The following CAST variants were observed in gnomAD, a reference collection of about 807,000 sequenced individuals.
CAST encodes MIR583 host.
Under a neutral mutation model 119.6 loss-of-function variants are expected in CAST, and 76 were observed. That is an observed-to-expected ratio of 0.64 (90% CI 0.53 to 0.77). The LOEUF is 0.77. CAST is among the 30% of genes least tolerant of loss of function. The pLI is 0.00. For synonymous variants in CAST, 319 were observed against 331.6 expected, an observed-to-expected ratio of 0.96 and a Z score of 0.41; for missense variants, 953 against 946.5, an observed-to-expected ratio of 1.01 and a Z score of -0.09.
the CAST span, among the ~76,000 whole-genome samples, chr5:96,037,072 A>C: frequency 1.3e-5 from 2 of 152,094 alleles, no homozygotes; most frequent in Non-Finnish European, 2.9e-5. Context: ...TAATAATCTT[A>C]TCTCTTCTGG....
chr5:96,249,447 G>A, the CAST span, among the ~76,000 whole-genome samples: 1 of 152,060 alleles, frequency 6.6e-6, no homozygotes, highest in Admixed American at 6.6e-5. Flanking sequence ...TTTCCTCATA[G>A]GATTGTTGCA....
chr5:96,567,074 T>C (rs1370533000), intron 1 of CAST, among the ~76,000 whole-genome samples: 2 of 152,214 alleles, frequency 1.3e-5, no homozygotes, highest in African/African-American at 4.8e-5. Context: ...AGTGTAGGCA[T>C]CTGCATCTCC....
At chr5:96,737,815 A>G in intron 10 of CAST, 34 bp from the exon 11 acceptor site, 1 of 1,242,994 alleles carries the variant, frequency 8.0e-7, no homozygotes, top group South Asian at 1.3e-5. Flanking sequence ...ATGTATAACA[A>G]ATAACATTTA....
chr5:96,520,577 CTGTG>C (rs142864656), upstream of CAST, among the ~76,000 whole-genome samples: 3 of 148,592 alleles, frequency 2.0e-5, no homozygotes, highest in African/African-American at 7.3e-5. Flanking sequence ...GTGTGTGTGT[CTGTG>C]TGTGTGTGTC....
chr5:96,400,661 C>T, the CAST span, among the ~76,000 whole-genome samples: 2 of 152,354 alleles, frequency 1.3e-5, no homozygotes, highest in South Asian at 2.1e-4. Flanking sequence ...TGGCTACCTG[C>T]TGTAAACATG....
At chr5:96,768,381 G>C in intron 29 of CAST, 1 of 457,310 alleles carries the variant, frequency 2.2e-6, no homozygotes. Context: ...ACTGCGCCTG[G>C]CCCTTACAAT....
intron 22 of CAST, among the ~76,000 whole-genome samples, chr5:96,756,317 T>C (rs1427679743): frequency 6.6e-6 from 1 of 152,162 alleles, no homozygotes; most frequent in Admixed American, 6.5e-5. Flanking sequence ...TTTTCTGCCT[T>C]TACAGCTAAG....
chr5:96,535,630 G>A (rs1258995938), intron 1 of CAST, among the ~76,000 whole-genome samples: 2 of 144,208 alleles, frequency 1.4e-5, no homozygotes, highest in African/African-American at 5.2e-5. Flanking sequence ...CTGGAGTGCA[G>A]TGGCGCGATC....
chr5:96,023,171 T>A, the CAST span, among the ~76,000 whole-genome samples: 2 of 152,162 alleles, frequency 1.3e-5, no homozygotes, highest in African/African-American at 4.8e-5. Context: ...ACTTCCCTAC[T>A]GCTTGTGCAG....
the CAST span, among the ~76,000 whole-genome samples, chr5:96,415,083 C>T: frequency 6.6e-6 from 1 of 152,134 alleles, no homozygotes; most frequent in Admixed American, 6.5e-5. Flanking sequence ...AAGCTTATAA[C>T]ATAACATGAA....
chr5:96,598,858 C>T (rs1231054762), intron 1 of CAST, among the ~76,000 whole-genome samples: 4 of 152,212 alleles, frequency 2.6e-5, no homozygotes, highest in Admixed American at 2.6e-4. Context: ...TCCTGTCTGA[C>T]TGCTTTGGGC....
the CAST span, among the ~76,000 whole-genome samples, chr5:96,240,231 C>T: frequency 6.6e-6 from 1 of 152,114 alleles, no homozygotes; most frequent in South Asian, 2.1e-4. Flanking sequence ...CTGGGTAGGT[C>T]AGACTTCAGC....
chr5:96,194,643 A>C, the CAST span, among the ~76,000 whole-genome samples: 5 of 152,252 alleles, frequency 3.3e-5, no homozygotes, highest in African/African-American at 1.2e-4. Context: ...TTTTTAAAAA[A>C]AGAAATTAAA....
chr5:96,407,714 T>TA, the CAST span, among the ~76,000 whole-genome samples: 1 of 152,214 alleles, frequency 6.6e-6, no homozygotes, highest in Admixed American at 6.5e-5. Flanking sequence ...TGTGAAAATA[T>TA]AAAACTCCTG....
the CAST span, among the ~76,000 whole-genome samples, chr5:96,293,307 T>G: frequency 6.6e-6 from 1 of 152,218 alleles, no homozygotes; most frequent in African/African-American, 2.4e-5. Flanking sequence ...AGACAGAGTT[T>G]CACTCTTTTT....
chr5:96,279,335 C>T, the CAST span, among the ~76,000 whole-genome samples: 7 of 152,224 alleles, frequency 4.6e-5, no homozygotes, highest in East Asian at 1.2e-3. Context: ...TTGCCAGCTG[C>T]GGATCTGAAG....
the CAST span, among the ~76,000 whole-genome samples, chr5:96,227,941 T>C: frequency 3.9e-5 from 6 of 152,154 alleles, no homozygotes; most frequent in Non-Finnish European, 8.8e-5. Flanking sequence ...AAAAGTGCCT[T>C]GATAAAAATG....
the CAST span, among the ~76,000 whole-genome samples, chr5:96,266,782 A>G: frequency 1.3e-5 from 2 of 152,220 alleles, no homozygotes; most frequent in African/African-American, 4.8e-5. Context: ...TTCATAATAA[A>G]CAACAGCAAA....
At chr5:95,971,035 G>A in the CAST span, among the ~76,000 whole-genome samples, 3 of 152,260 alleles carry the variant, frequency 2.0e-5, no homozygotes, top group Non-Finnish European at 4.4e-5. Flanking sequence ...TGTGACCCCT[G>A]ATGAGTATAC....
Sources: allele counts gnomAD v4.1 joint callset (sites outside exome capture counted in the v4.1 genomes callset), GRCh38; gene constraint gnomAD v4.1.1; transcripts MANE v1.5; gene names NCBI Gene and HGNC (gene_info 2026-07-23, HGNC 2026-07-21).